GPC5: variants seen among roughly 807,000 people sequenced by gnomAD.
GPC5 encodes glypican-5.
In GPC5, 47 loss-of-function variants were observed where a neutral mutation model predicts 53.9. The ratio of observed to expected loss-of-function variants is 0.87; its 90% CI spans 0.69 to 1.11. The LOEUF is 1.11. Ranked by LOEUF, GPC5 falls within the 50% of genes most tolerant of loss-of-function variation. GPC5 has a pLI of 0.00. For missense variants in GPC5, 748 were observed against 713.1 expected (o/e 1.05, Z -0.56); for synonymous variants, 286 against 263.3 (o/e 1.09, Z -0.84).
chr13:91,478,822 T>TATATATATATATACACAC lies in GPC5; in HGVS notation c.325+29901_325+29902insTATATATATATACACACA, dbSNP rs1323023652. Among the ~76,000 whole-genome samples the TATATATATATATACACAC allele has an allele frequency of 3.1e-4, 29 of 92,152 alleles. 1 individual carries two copies. Among genetic ancestry groups the TATATATATATATACACAC allele is most frequent in the African/African-American group, 1.5e-3 (29 of 19,346 alleles). 60.5% of individuals were successfully genotyped at this position (92,152 alleles called of 152,430 possible). On this transcript the variant is annotated intron_variant, in intron 2 of 7. Transcript: ENST00000377067. ...ATATATATATATATATATATATATA[T>TATATATATATATACACAC]ACACACACACACATATATATACACA...
intron 6 of GPC5, among the ~76,000 whole-genome samples, chr13:91,910,741 A>T (rs1360529283): frequency 6.6e-6 from 1 of 152,210 alleles, no homozygotes; most frequent in Non-Finnish European, 1.5e-5. Flanking sequence ...TTAATAATTC[A>T]TTCAAAATAC....
intron 2 of GPC5, among the ~76,000 whole-genome samples, chr13:91,501,175 A>G (rs1432539570): frequency 2.0e-5 from 3 of 151,074 alleles, no homozygotes; most frequent in Non-Finnish European, 4.4e-5. Flanking sequence ...TTAGTTTAAT[A>G]TCCTTTGTCC....
intron 7 of GPC5, chr13:92,241,787 A>T (rs1418756341): frequency 6.6e-6 from 1 of 152,176 alleles, no homozygotes; most frequent in Non-Finnish European, 1.5e-5. Context: ...ATTCTTAGGC[A>T]AGTACTCTAT....
rs552854412 is a variant in GPC5, at chr13:91,713,436, C to T, written c.1021-15096C>T. Among the ~76,000 whole-genome samples the T allele has an allele frequency of 3.8e-4, 58 of 151,936 alleles. 1 individual carries two copies. Among genetic ancestry groups the T allele is most frequent in the African/African-American group, 1.3e-3 (53 of 41,442 alleles). The stretch of plus-strand genomic sequence containing the variant: ...CCACCGTTCCTAATATAAAACCGAA[C>T]GTGGAAAGCAGTCATGTCTTTTCTC... On this transcript the variant is annotated intron_variant, in intron 3 of 7. Transcript: ENST00000377067.
At chr13:91,923,176 A>G (rs578247887) in intron 6 of GPC5, among the ~76,000 whole-genome samples, 1 of 152,312 alleles carries the variant, frequency 6.6e-6, no homozygotes, top group East Asian at 1.9e-4. Context: ...CTCCTTTGCC[A>G]TACATAGCTT....
intron 5 of GPC5, among the ~76,000 whole-genome samples, chr13:91,825,071 C>A (rs2038555769): frequency 6.7e-6 from 1 of 149,406 alleles, no homozygotes; most frequent in African/African-American, 2.5e-5. Flanking sequence ...ATCAATGATG[C>A]TAACATTTAG....
chr13:92,241,813 C>T (rs1220290234), intron 7 of GPC5: 7 of 152,178 alleles, frequency 4.6e-5, no homozygotes, highest in African/African-American at 1.7e-4. Flanking sequence ...TTTTAGTATA[C>T]AATTTCTATG....
At chr13:92,243,667 G>A (rs893463249) in intron 7 of GPC5, among the ~76,000 whole-genome samples, 5 of 149,194 alleles carry the variant, frequency 3.4e-5, no homozygotes, top group Non-Finnish European at 5.9e-5. Flanking sequence ...AGGAAATTAA[G>A]ATATATTTTA....
At chr13:92,147,411 GTATAAATAGTATATT>G (rs1267240155) in intron 7 of GPC5, among the ~76,000 whole-genome samples, 2 of 151,862 alleles carry the variant, frequency 1.3e-5, no homozygotes, top group Non-Finnish European at 2.9e-5. Context: ...GCATATGTGT[GTATAAATAGTATATT>G]TATAGGAAGT....
At chr13:92,434,023 G>A (rs1160766037) in intron 7 of GPC5, among the ~76,000 whole-genome samples, 1 of 152,144 alleles carries the variant, frequency 6.6e-6, no homozygotes, top group Non-Finnish European at 1.5e-5. Flanking sequence ...AAAATTTTTG[G>A]AAATTATGAT....
intron 7 of GPC5, among the ~76,000 whole-genome samples, chr13:92,469,731 T>A (rs1426614140): frequency 6.6e-6 from 1 of 152,094 alleles, no homozygotes; most frequent in East Asian, 1.9e-4. Context: ...TTCCCACGTC[T>A]CTTGCAAAGA....
chr13:91,886,697 T>G (rs147385767), intron 5 of GPC5, among the ~76,000 whole-genome samples: 3 of 152,222 alleles, frequency 2.0e-5, no homozygotes, highest in Admixed American at 6.5e-5. Flanking sequence ...ACAGGCTCCA[T>G]GCAAGTCTGA....
At chr13:91,650,327 T>C (rs1303897605) in intron 2 of GPC5, among the ~76,000 whole-genome samples, 1 of 152,206 alleles carries the variant, frequency 6.6e-6, no homozygotes, top group African/African-American at 2.4e-5. Flanking sequence ...TTCATCTTTA[T>C]AGTTTTGTCA....
intron 2 of GPC5, among the ~76,000 whole-genome samples, chr13:91,634,224 C>T (rs2139439509): frequency 6.6e-6 from 1 of 152,006 alleles, no homozygotes; most frequent in African/African-American, 2.4e-5. Flanking sequence ...GTTGATTAGG[C>T]ATAAGACACT....
intron 7 of GPC5, among the ~76,000 whole-genome samples, chr13:92,661,935 T>G (rs1178228261): frequency 6.6e-6 from 1 of 152,216 alleles, no homozygotes; most frequent in Non-Finnish European, 1.5e-5. Context: ...CTTTGTTCAA[T>G]AACCTCTGTT....
chr13:91,916,960 C>T (rs1236247450), intron 6 of GPC5, among the ~76,000 whole-genome samples: 1 of 152,160 alleles, frequency 6.6e-6, no homozygotes, highest in Non-Finnish European at 1.5e-5. Flanking sequence ...CCATATGATT[C>T]TGCCCCTGGC....
chr13:91,870,927 A>C (rs748803926), intron 5 of GPC5, among the ~76,000 whole-genome samples: 14 of 152,204 alleles, frequency 9.2e-5, no homozygotes, highest in Non-Finnish European at 1.5e-4. Context: ...GGATATTTTC[A>C]GAATTTGGAA....
chr13:92,708,013 C>T (rs1409946693), intron 7 of GPC5, among the ~76,000 whole-genome samples: 4 of 151,966 alleles, frequency 2.6e-5, no homozygotes, highest in Non-Finnish European at 5.9e-5. Context: ...AGTTTGTGAG[C>T]AAGGTAAGGA....
intron 7 of GPC5, among the ~76,000 whole-genome samples, chr13:92,674,103 T>C (rs1206103835): frequency 3.9e-5 from 6 of 152,202 alleles, no homozygotes; most frequent in South Asian, 2.1e-4. Flanking sequence ...TTCCATTTGA[T>C]TGGCCGTGTA....
Sources: allele counts gnomAD v4.1 joint callset (sites outside exome capture counted in the v4.1 genomes callset), GRCh38; gene constraint gnomAD v4.1.1; transcripts MANE v1.5; gene names NCBI Gene and HGNC (gene_info 2026-07-23, HGNC 2026-07-21).